USH2A: variants seen among roughly 807,000 people sequenced by gnomAD.
USH2A encodes usherin, also known as Usher syndrome 2A (autosomal recessive, mild).
Under a neutral mutation model 538.9 loss-of-function variants are expected in USH2A, and 443 were observed. That is an observed-to-expected ratio of 0.82 (90% CI 0.76 to 0.89). The LOEUF (loss-of-function observed/expected upper bound fraction) is 0.89. USH2A is among the 40% of genes least tolerant of loss of function. The pLI is 0.00. For missense variants in USH2A, 6,633 were observed against 6,324.8 expected (o/e 1.05, Z -1.65); for synonymous variants, 2,413 against 2,273.5 (o/e 1.06, Z -1.75).
intron 38 of USH2A, among the ~76,000 whole-genome samples, chr1:215,924,969 T>C (rs1263502959): frequency 6.6e-6 from 1 of 152,050 alleles, no homozygotes; most frequent in Non-Finnish European, 1.5e-5. Context: ...CTCTTCTCCA[T>C]AGCTCAGAAG....
In USH2A at chr1:216,207,438, T is replaced by C. The variant is rs201558076; in HGVS notation, c.3158-7A>G. ...GGAGGTTGCTGGAATGGAGCTAAATTACAATGAAGAGAGCATTTATTAGCA... is the reference window on the plus strand; with the variant it reads ...GGAGGTTGCTGGAATGGAGCTAAATCACAATGAAGAGAGCATTTATTAGCA... On this transcript the variant is annotated splice_polypyrimidine_tract_variant and splice_region_variant and intron_variant, in intron 15 of 71. Coordinates refer to ENST00000307340, the MANE Select transcript of USH2A (RefSeq NM_206933.4). The C allele has an allele frequency of 1.6e-4, 256 of 1,613,844 alleles. 2 individuals carry two copies. In the African/African-American group the frequency reaches 2.9e-3, roughly 18 times the overall value.
intron 9 of USH2A, among the ~76,000 whole-genome samples, chr1:216,320,659 T>C (rs1284716558): frequency 6.6e-6 from 1 of 152,192 alleles, no homozygotes. Context: ...TTAAAAACAA[T>C]TGTTGAATAT....
chr1:215,866,913 A>C, intron 44 of USH2A, 94 bp downstream of exon 44: 1 of 1,542,432 alleles, frequency 6.5e-7, no homozygotes, highest in Non-Finnish European at 8.9e-7. Context: ...TTCACTATCA[A>C]AATGATGTGT....
intron 47 of USH2A, among the ~76,000 whole-genome samples, chr1:215,825,999 T>C (rs1343508899): frequency 1.3e-5 from 2 of 152,292 alleles, no homozygotes; most frequent in Non-Finnish European, 1.5e-5. Flanking sequence ...AATTTGGCAG[T>C]CTGTATGAGC....
At position 215,900,784 on chromosome 1, in the gene USH2A, C is replaced by T. The variant is rs1349216322; in HGVS notation, c.7422G>A (p.Arg2474=). Residue 2474 remains arginine, a synonymous_variant, in exon 39 of 72, where the codon AGG becomes AGA. Transcript: ENST00000307340. ...GAAATCCATGGGTGGAGTCGCCAGA[C>T]CTCATCTGGAGTTGGTATCTGGGAG... ...PGSPRYQLQM[R]SGDSTHGFLE... 6.2e-7 allele frequency: 1 copy of T among 1,613,728 alleles called. No individual in the cohort carries two copies.
intron 21 of USH2A, among the ~76,000 whole-genome samples, chr1:216,121,869 T>G (rs2102595031): frequency 6.6e-6 from 1 of 152,316 alleles, no homozygotes; most frequent in South Asian, 2.1e-4. Context: ...TTCTGCAACC[T>G]TTACCTGTCT....
chr1:216,416,397 G>T (rs1466483506), intron 3 of USH2A, among the ~76,000 whole-genome samples: 1 of 152,044 alleles, frequency 6.6e-6, no homozygotes, highest in Non-Finnish European at 1.5e-5. Context: ...AACATTTTGT[G>T]ACTGCCTAGT....
chr1:216,334,060 A>T (rs1348708451), intron 4 of USH2A, among the ~76,000 whole-genome samples: 1 of 152,100 alleles, frequency 6.6e-6, no homozygotes, highest in Non-Finnish European at 1.5e-5. Flanking sequence ...GTAAATATTT[A>T]AAAAGATTAT....
chr1:216,245,439 TG>T (rs2036017798), intron 13 of USH2A, among the ~76,000 whole-genome samples: 4 of 145,744 alleles, frequency 2.7e-5, no homozygotes, highest in Admixed American at 2.0e-4. Flanking sequence ...CATATACCCA[TG>T]TAGAGAAAGA....
At chr1:215,728,004 T>C in intron 61 of USH2A, 26 bp downstream of exon 61, 1 of 1,607,596 alleles carries the variant, frequency 6.2e-7, no homozygotes, top group Non-Finnish European at 8.5e-7. Flanking sequence ...AATCTGCATG[T>C]CTGTTACTTT....
intron 70 of USH2A, among the ~76,000 whole-genome samples, chr1:215,631,970 A>G (rs1368071213): frequency 6.6e-6 from 1 of 152,252 alleles, no homozygotes; most frequent in East Asian, 1.9e-4. Flanking sequence ...GTTATCAAAC[A>G]GTACACTGCA....
chr1:216,386,768 T>C (rs1041309149), intron 3 of USH2A, among the ~76,000 whole-genome samples: 4 of 144,306 alleles, frequency 2.8e-5, no homozygotes, highest in African/African-American at 1.0e-4. Context: ...GGCAGGATAA[T>C]GGAGCGAACC....
chr1:216,112,787 GT>G (rs1436152658), intron 21 of USH2A, among the ~76,000 whole-genome samples: 2 of 151,194 alleles, frequency 1.3e-5, no homozygotes, highest in African/African-American at 4.9e-5. Context: ...ACATGATCTT[GT>G]TTTTTTTCAT....
At chr1:215,975,983 G>A (rs994022100) in intron 35 of USH2A, among the ~76,000 whole-genome samples, 3 of 151,836 alleles carry the variant, frequency 2.0e-5, no homozygotes, top group Non-Finnish European at 2.9e-5. Flanking sequence ...TGCCATACAC[G>A]ATTTCTTTTA....
chr1:215,925,029 T>C lies in USH2A; in HGVS notation c.7300+9587A>G, dbSNP rs530307299. On this transcript the variant is annotated intron_variant, in intron 38 of 71. Transcript: ENST00000307340. ...ATAAGCAGGAAGTTCATTGTCAAGA[T>C]GGTGAATACAAAAAGTGAAAAAATT... is the stretch of plus-strand genomic sequence containing the variant. Among the ~76,000 whole-genome samples, 51 of 152,212 alleles carry C rather than the reference T, an allele frequency of 3.4e-4. No individual in the cohort carries two copies. In the East Asian group the frequency reaches 9.7e-3, roughly 29 times the overall value.
At chr1:216,086,926 G>T in intron 23 of USH2A, 106 bp from the exon 24 acceptor site, 3 of 824,820 alleles carry the variant, frequency 3.6e-6, no homozygotes, top group Non-Finnish European at 6.2e-6. Context: ...CACTCTCTTG[G>T]TTTTCCTCTC....
intron 35 of USH2A, among the ~76,000 whole-genome samples, chr1:215,991,410 C>G (rs965405766): frequency 2.5e-4 from 38 of 151,936 alleles, no homozygotes; most frequent in African/African-American, 9.2e-4. Context: ...CCTCTCTAGA[C>G]AATCAACAAG....
chr1:216,132,254 C>A (rs1282112534), intron 21 of USH2A, among the ~76,000 whole-genome samples: 1 of 152,114 alleles, frequency 6.6e-6, no homozygotes, highest in African/African-American at 2.4e-5. Flanking sequence ...ACTTTTCACA[C>A]TTTCTTATAC....
intron 20 of USH2A, among the ~76,000 whole-genome samples, chr1:216,176,088 A>G (rs988936254): frequency 2.6e-5 from 4 of 152,250 alleles, no homozygotes; most frequent in Non-Finnish European, 5.9e-5. Context: ...AGGAATATTA[A>G]CACGAGTTTG....
Sources: allele counts gnomAD v4.1 joint callset (sites outside exome capture counted in the v4.1 genomes callset), GRCh38; gene constraint gnomAD v4.1.1; transcripts MANE v1.5; gene names NCBI Gene and HGNC (gene_info 2026-07-23, HGNC 2026-07-21).